The following ATRNL1 variants were observed in gnomAD, a reference collection of about 807,000 sequenced individuals.
ATRNL1 encodes the protein attractin like 1.
In ATRNL1, 95 loss-of-function variants were observed where a neutral mutation model predicts 182.7. The ratio of observed to expected loss-of-function variants is 0.52; its 90% CI spans 0.44 to 0.62. The LOEUF is 0.62. ATRNL1 is among the 20% of genes least tolerant of loss of function. The pLI, the probability that ATRNL1 is intolerant of heterozygous loss-of-function variation, is 0.00. For synonymous variants in ATRNL1, 576 were observed against 568.3 expected (o/e 1.01, Z -0.19); for missense variants, 1,471 against 1,679.5 (o/e 0.88, Z 2.17).
chr10:115,194,852 G>A (rs1316759140), intron 8 of ATRNL1, among the ~76,000 whole-genome samples: 1 of 145,662 alleles, frequency 6.9e-6, no homozygotes, highest in Non-Finnish European at 1.5e-5. Context: ...TTGTATATCT[G>A]TTTTAGGTTT....
At chr10:115,417,528 G>T (rs1554961092) in intron 20 of ATRNL1, among the ~76,000 whole-genome samples, 1 of 152,136 alleles carries the variant, frequency 6.6e-6, no homozygotes, top group African/African-American at 2.4e-5. Context: ...ATCTGTGCAG[G>T]GACCTGCTAG....
chr10:115,480,902 T>C (rs1168331866), intron 24 of ATRNL1, among the ~76,000 whole-genome samples: 3 of 151,054 alleles, frequency 2.0e-5, no homozygotes, highest in Admixed American at 2.0e-4. Flanking sequence ...TTAGGTGAGA[T>C]GGTATAAATG....
intron 24 of ATRNL1, among the ~76,000 whole-genome samples, chr10:115,510,346 A>G (rs1850326296): frequency 6.6e-6 from 1 of 152,042 alleles, no homozygotes; most frequent in African/African-American, 2.4e-5. Context: ...TCTTTCCTGA[A>G]AGGTGCAGTC....
intron 13 of ATRNL1, among the ~76,000 whole-genome samples, chr10:115,279,058 C>T (rs978178313): frequency 1.1e-4 from 17 of 151,592 alleles, no homozygotes; most frequent in African/African-American, 1.9e-4. Context: ...AAAAATTAGC[C>T]GGGTGTGGTG....
intron 26 of ATRNL1, among the ~76,000 whole-genome samples, chr10:115,605,334 C>G (rs1406165952): frequency 1.3e-5 from 2 of 151,936 alleles, no homozygotes; most frequent in Non-Finnish European, 2.9e-5. Flanking sequence ...TTCTTACTTA[C>G]AAATAATATA....
At chr10:115,488,623 T>A (rs1233066908) in intron 24 of ATRNL1, among the ~76,000 whole-genome samples, 1 of 152,188 alleles carries the variant, frequency 6.6e-6, no homozygotes, top group African/African-American at 2.4e-5. Context: ...TTCTTCTTCT[T>A]AGTCTGGCTG....
intron 26 of ATRNL1, among the ~76,000 whole-genome samples, chr10:115,550,139 C>T (rs1310223527): frequency 1.3e-5 from 2 of 151,610 alleles, no homozygotes; most frequent in African/African-American, 4.8e-5. Flanking sequence ...TGTGTATATT[C>T]GTTAATCGAA....
At chr10:115,149,365 G>T (rs1846112916) in intron 5 of ATRNL1, among the ~76,000 whole-genome samples, 1 of 151,894 alleles carries the variant, frequency 6.6e-6, no homozygotes, top group African/African-American at 2.4e-5. Flanking sequence ...AAATGATTTT[G>T]GGGCTGTTTT....
chr10:115,778,417 T>G (rs1300267171), intron 27 of ATRNL1, among the ~76,000 whole-genome samples: 1 of 152,226 alleles, frequency 6.6e-6, no homozygotes, highest in Non-Finnish European at 1.5e-5. Context: ...AGTGAAGAGT[T>G]TTCTTATAGT....
intron 28 of ATRNL1, among the ~76,000 whole-genome samples, chr10:115,923,512 G>A (rs560330556): frequency 2.0e-5 from 3 of 152,150 alleles, no homozygotes; most frequent in African/African-American, 7.2e-5. Context: ...TGTGTCGTTT[G>A]GTTTTCTGTT....
intron 26 of ATRNL1, among the ~76,000 whole-genome samples, chr10:115,673,276 A>C (rs1555042008): frequency 6.6e-6 from 1 of 152,116 alleles, no homozygotes; most frequent in African/African-American, 2.4e-5. Context: ...TGCAAAAGAC[A>C]TTATTTTATT....
At chr10:115,355,560 A>G (rs1017515610) in intron 19 of ATRNL1, among the ~76,000 whole-genome samples, 4 of 152,234 alleles carry the variant, frequency 2.6e-5, no homozygotes, top group Non-Finnish European at 5.9e-5. Context: ...TTTTATGTAC[A>G]TATTTGTTTA....
intron 20 of ATRNL1, among the ~76,000 whole-genome samples, chr10:115,423,103 G>T (rs1217698269): frequency 6.6e-6 from 1 of 152,124 alleles, no homozygotes; most frequent in Non-Finnish European, 1.5e-5. Context: ...GAAAGTTTGT[G>T]ACACAAAGAA....
chr10:115,386,586 G>A (rs144044713), intron 19 of ATRNL1, among the ~76,000 whole-genome samples: 1 of 152,138 alleles, frequency 6.6e-6, no homozygotes, highest in East Asian at 1.9e-4. Flanking sequence ...GAAGGTAACT[G>A]ACATTGTGGA....
At chr10:115,651,385 T>C (rs1240152173) in intron 26 of ATRNL1, among the ~76,000 whole-genome samples, 2 of 152,142 alleles carry the variant, frequency 1.3e-5, no homozygotes, top group Non-Finnish European at 2.9e-5. Context: ...GAAATTATTT[T>C]AAAAAGAAAT....
At chr10:115,724,681 CTGT>C (rs576720267) in intron 26 of ATRNL1, among the ~76,000 whole-genome samples, 2 of 151,922 alleles carry the variant, frequency 1.3e-5, no homozygotes, top group African/African-American at 4.8e-5. Flanking sequence ...AGTGTAGGTA[CTGT>C]TATTATTTAT....
intron 26 of ATRNL1, among the ~76,000 whole-genome samples, chr10:115,599,557 G>A (rs1856473840): frequency 6.6e-6 from 1 of 152,078 alleles, no homozygotes; most frequent in Non-Finnish European, 1.5e-5. Flanking sequence ...CAAGGGCTTG[G>A]CAGTGAAAAA....
At chr10:115,153,600 C>T (rs56245418) in intron 5 of ATRNL1, among the ~76,000 whole-genome samples, 1 of 152,094 alleles carries the variant, frequency 6.6e-6, no homozygotes, top group African/African-American at 2.4e-5. Context: ...ATTCTTCTCT[C>T]TTTTCTTCTT....
chr10:115,577,541 A>G (rs1364498803), intron 26 of ATRNL1, among the ~76,000 whole-genome samples: 1 of 151,632 alleles, frequency 6.6e-6, no homozygotes, highest in Non-Finnish European at 1.5e-5. Flanking sequence ...TGATACAAAG[A>G]AATGCAACTG....
Sources: gnomAD v4.1 joint callset for allele counts (sites outside exome capture counted in the v4.1 genomes callset) on GRCh38, gnomAD v4.1.1 for gene constraint, MANE v1.5 for transcripts, NCBI Gene and HGNC (gene_info 2026-07-23, HGNC 2026-07-21) for gene names.